The following HEATR4 variants were observed in gnomAD, a reference collection of about 807,000 sequenced individuals.
The protein encoded by HEATR4 is HEAT repeat containing 4, also known as HEAT repeat-containing protein 4.
Under a neutral mutation model 108.8 loss-of-function variants are expected in HEATR4, and 95 were observed. The ratio of observed to expected loss-of-function variants is 0.87; its 90% CI spans 0.74 to 1.04. The LOEUF (loss-of-function observed/expected upper bound fraction) is 1.04, where lower values mean the gene tolerates loss of function less well. HEATR4 is among the 50% of genes least tolerant of loss of function. HEATR4 has a pLI of 0.00. For missense variants in HEATR4, 1,152 were observed against 1,253.8 expected, an observed-to-expected ratio of 0.92 and a Z score of 1.23; for synonymous variants, 443 against 459.4, an observed-to-expected ratio of 0.96 and a Z score of 0.46.
chr14:73,491,760 A>G, intron 17 of HEATR4: 1 of 1,564,298 alleles, frequency 6.4e-7, no homozygotes, highest in Non-Finnish European at 8.7e-7. Flanking sequence ...GCTGACCTGG[A>G]TTCGATGCTG....
intron 17 of HEATR4, chr14:73,480,821 A>G (rs1380840693): frequency 6.6e-6 from 1 of 152,206 alleles, no homozygotes; most frequent in Non-Finnish European, 1.5e-5. Flanking sequence ...GTTCGAGACC[A>G]GCCTGACTAA....
At chr14:73,553,415 G>T (rs1439369612) in intron 1 of HEATR4, among the ~76,000 whole-genome samples, 1 of 112,582 alleles carries the variant, frequency 8.9e-6, no homozygotes, top group African/African-American at 2.9e-5. Flanking sequence ...GGAGGCTGAG[G>T]CAGGAGAATC....
intron 15 of HEATR4, among the ~76,000 whole-genome samples, chr14:73,496,057 G>A (rs1458158083): frequency 1.3e-5 from 2 of 151,744 alleles, no homozygotes; most frequent in South Asian, 4.2e-4. Flanking sequence ...TTGAACCCAG[G>A]AGGTGGAGGT....
chr14:73,562,125 G>A (rs1440187126), upstream of HEATR4, among the ~76,000 whole-genome samples: 1 of 151,998 alleles, frequency 6.6e-6, no homozygotes, highest in African/African-American at 2.4e-5. Flanking sequence ...TTCAGAGACA[G>A]GAAGTGGAAT....
chr14:73,608,069 C>T, the HEATR4 span, among the ~76,000 whole-genome samples: 5 of 151,952 alleles, frequency 3.3e-5, no homozygotes, highest in East Asian at 1.9e-4. Flanking sequence ...GGATTACAGG[C>T]GCCTGCCACT....
At chr14:73,604,167 T>TTTTTC in the HEATR4 span, among the ~76,000 whole-genome samples, 5 of 55,500 alleles carry the variant, frequency 9.0e-5, no homozygotes, top group East Asian at 2.0e-3. Context: ...CTAATTTCTT[T>TTTTTC]TTTTTTTTTT....
At chr14:73,591,026 T>G in the HEATR4 span, among the ~76,000 whole-genome samples, 2 of 152,224 alleles carry the variant, frequency 1.3e-5, no homozygotes, top group African/African-American at 4.8e-5. Context: ...GAGGATAGTT[T>G]GTGCTCAGGA....
chr14:73,569,655 C>T, the HEATR4 span: 5 of 1,606,008 alleles, frequency 3.1e-6, no homozygotes, highest in Non-Finnish European at 2.5e-6. Flanking sequence ...GGGGCTTGAG[C>T]CCATGGGGCT....
the HEATR4 span, among the ~76,000 whole-genome samples, chr14:73,588,396 G>A: frequency 6.6e-6 from 1 of 152,014 alleles, no homozygotes; most frequent in Non-Finnish European, 1.5e-5. Flanking sequence ...TCATTGTCAG[G>A]TACCTGCTCA....
chr14:73,577,145 T>C, the HEATR4 span, among the ~76,000 whole-genome samples: 2 of 151,876 alleles, frequency 1.3e-5, no homozygotes, highest in East Asian at 1.9e-4. Context: ...TTGCCCAGAC[T>C]AGCCTTGAAT....
the HEATR4 span, among the ~76,000 whole-genome samples, chr14:73,597,110 G>A: frequency 1.3e-3 from 187 of 149,234 alleles, 12 homozygotes; most frequent in South Asian, 0.039. Flanking sequence ...TTGAGATAGA[G>A]TCTGGCTCTG....
the HEATR4 span, among the ~76,000 whole-genome samples, chr14:73,626,047 G>A: frequency 1.3e-5 from 2 of 152,184 alleles, no homozygotes; most frequent in African/African-American, 4.8e-5. Context: ...GTTCTTGAAG[G>A]CAATTAAAAG....
chr14:73,569,609 C>A, the HEATR4 span: 1 of 1,600,990 alleles, frequency 6.2e-7, no homozygotes, highest in South Asian at 1.1e-5. Context: ...GCGAGCTGGA[C>A]CTGGAGCGCG....
chr14:73,580,635 G>C, the HEATR4 span: 2 of 152,082 alleles, frequency 1.3e-5, no homozygotes, highest in South Asian at 4.1e-4. Flanking sequence ...TTGAAGTATT[G>C]TTTCATCTGG....
At chr14:73,580,881 A>C in the HEATR4 span, 1 of 151,986 alleles carries the variant, frequency 6.6e-6, no homozygotes, top group South Asian at 2.1e-4. Flanking sequence ...ATGGTCTCAG[A>C]GTTCTATCTT....
At chr14:73,559,457 G>A (rs1201602157), upstream of HEATR4, among the ~76,000 whole-genome samples, 5 of 151,920 alleles carry the variant, frequency 3.3e-5, no homozygotes, top group South Asian at 2.1e-4. Context: ...TCAGCCAGGC[G>A]CGATGGCTCA....
At chr14:73,612,970 G>T in the HEATR4 span, 16 of 1,191,498 alleles carry the variant, frequency 1.3e-5, no homozygotes, top group Non-Finnish European at 1.8e-5. Flanking sequence ...TCCGGCCGGG[G>T]GTGCGGCGCG....
At chr14:73,607,584 G>A in the HEATR4 span, among the ~76,000 whole-genome samples, 26,760 of 151,868 alleles carry the variant, frequency 0.18, 3,990 homozygotes, top group African/African-American at 0.41. Context: ...TCTGCAGCCG[G>A]CTTGATTTTC....
chr14:73,491,220 T>C, intron 17 of HEATR4: 1 of 1,594,060 alleles, frequency 6.3e-7, no homozygotes, highest in Non-Finnish European at 8.6e-7. Flanking sequence ...GAATCGAGGG[T>C]GGAGTCGACG....
Sources: gnomAD v4.1 joint callset for allele counts (sites outside exome capture counted in the v4.1 genomes callset) on GRCh38, gnomAD v4.1.1 for gene constraint, MANE v1.5 for transcripts, NCBI Gene and HGNC (gene_info 2026-07-23, HGNC 2026-07-21) for gene names.